The following DYRK1A variants were observed in gnomAD, a reference collection of about 807,000 sequenced individuals.
DYRK1A encodes the protein dual specificity tyrosine-phosphorylation-regulated kinase 1A.
A neutral mutation model predicts 79.7 loss-of-function variants in DYRK1A; 9 were observed. That is an observed-to-expected ratio of 0.11 (90% CI 0.07 to 0.20). The LOEUF is 0.20. DYRK1A is among the 10% of genes least tolerant of loss of function. The probability of loss-of-function intolerance (pLI) is 1.00; values close to 1 mark genes in which losing one functional copy is unlikely to be tolerated. For missense variants in DYRK1A, 622 were observed against 956.0 expected, an observed-to-expected ratio of 0.65 and a Z score of 4.61; for synonymous variants, 349 against 329.7, an observed-to-expected ratio of 1.06 and a Z score of -0.63.
chr21:37,413,860 G>A (rs545286858), intron 1 of DYRK1A, among the ~76,000 whole-genome samples: 14 of 152,216 alleles, frequency 9.2e-5, no homozygotes, highest in Admixed American at 3.9e-4. Flanking sequence ...ATGGCTCTTG[G>A]TGTTTTCTTC....
chr21:37,497,051 C>A (rs770466997), intron 9 of DYRK1A, among the ~76,000 whole-genome samples: 1 of 152,140 alleles, frequency 6.6e-6, no homozygotes, highest in Non-Finnish European at 1.5e-5. Flanking sequence ...CCCCCACACA[C>A]ACATGTACAT....
chr21:37,457,479 C>T (rs1158837623), intron 2 of DYRK1A, among the ~76,000 whole-genome samples: 4 of 152,168 alleles, frequency 2.6e-5, no homozygotes, highest in East Asian at 1.9e-4. Flanking sequence ...TCAAGTGATC[C>T]GCCTGCCTCA....
chr21:37,503,297 C>T (rs956078577), intron 9 of DYRK1A: 3 of 152,132 alleles, frequency 2.0e-5, no homozygotes, highest in Non-Finnish European at 4.4e-5. Context: ...CTGGTTTATT[C>T]ATTCTGTTTT....
Position 37,515,452 on chromosome 21 carries a change from G to C in DYRK1A, c.*2921G>C, listed in dbSNP as rs1346861155. ...TGTGATTCAAAATGCTCATATTTTA[G>C]TTGGTAGCATTTCGACTGGATGTGA... On this transcript the variant is annotated 3_prime_UTR_variant, in exon 12 of 12. Coordinates refer to ENST00000647188, the MANE Select transcript of DYRK1A (RefSeq NM_001347721.2). The C allele has an allele frequency of 6.6e-6, 1 of 152,138 alleles. No individual in the cohort carries two copies. Among genetic ancestry groups the C allele is most frequent in the Non-Finnish European group, 1.5e-5 (1 of 68,016 alleles). The allele number at this position is 152,138 out of a possible 1,614,324, so 9.4% of individuals were successfully genotyped here. A position where few individuals can be genotyped will look rare whatever the true frequency, so the allele number is the denominator to read the frequency against.
intron 1 of DYRK1A, among the ~76,000 whole-genome samples, chr21:37,403,786 T>C (rs1409349624): frequency 1.3e-5 from 2 of 150,898 alleles, no homozygotes; most frequent in Admixed American, 1.3e-4. Context: ...CTTGGAACTT[T>C]TGATGAATAC....
intron 9 of DYRK1A, among the ~76,000 whole-genome samples, chr21:37,499,903 C>T (rs1315678951): frequency 6.6e-6 from 1 of 152,152 alleles, no homozygotes; most frequent in Non-Finnish European, 1.5e-5. Flanking sequence ...GGTTCCACAT[C>T]TGCAGTCAAA....
At chr21:37,439,410 A>G (rs1021267165) in intron 2 of DYRK1A, among the ~76,000 whole-genome samples, 1 of 152,250 alleles carries the variant, frequency 6.6e-6, no homozygotes, top group Non-Finnish European at 1.5e-5. Flanking sequence ...AGAGGATCAA[A>G]CAGTATGTTA....
chr21:37,451,006 C>A (rs1384281179), intron 2 of DYRK1A, among the ~76,000 whole-genome samples: 1 of 152,096 alleles, frequency 6.6e-6, no homozygotes, highest in East Asian at 1.9e-4. Flanking sequence ...GCGATCCTTA[C>A]CCAAGGAGGT....
chr21:37,439,808 T>G (rs1249482314), intron 2 of DYRK1A, among the ~76,000 whole-genome samples: 1 of 152,200 alleles, frequency 6.6e-6, no homozygotes, highest in Non-Finnish European at 1.5e-5. Context: ...AGGTCAAGTA[T>G]GGATGTTGGA....
intron 1 of DYRK1A, among the ~76,000 whole-genome samples, chr21:37,391,016 A>G (rs1463508705): frequency 6.6e-6 from 1 of 152,216 alleles, no homozygotes; most frequent in Non-Finnish European, 1.5e-5. Context: ...TTAGATACAG[A>G]TTAGATGTCT....
intron 2 of DYRK1A, among the ~76,000 whole-genome samples, chr21:37,449,393 A>G (rs2051373232): frequency 6.6e-6 from 1 of 152,154 alleles, no homozygotes; most frequent in Non-Finnish European, 1.5e-5. Flanking sequence ...AACTATGGGC[A>G]TTTTTCCTAT....
At chr21:37,404,736 C>T (rs1352844685) in intron 1 of DYRK1A, among the ~76,000 whole-genome samples, 2 of 152,136 alleles carry the variant, frequency 1.3e-5, no homozygotes, top group East Asian at 3.8e-4. Context: ...CAAATATTTT[C>T]TTCAGTTTTG....
In DYRK1A at chr21:37,482,809, C is replaced by G. The variant is rs192951474; in HGVS notation, c.489+1983C>G. ...AGAGACCTACCCTCAGGGGCTCATT[C>G]TCTTTCTCAGGGATGTTCCTTGCTG... is the stretch of plus-strand genomic sequence containing the variant. On this transcript the variant is annotated intron_variant, in intron 5 of 11. Coordinates refer to ENST00000647188, the MANE Select transcript of DYRK1A (RefSeq NM_001347721.2). 7.7e-4 allele frequency among the ~76,000 whole-genome samples: 117 copies of G among 152,292 alleles called. 1 individual carries two copies. Among genetic ancestry groups the G allele is most frequent in the Non-Finnish European group, 1.5e-3 (99 of 68,024 alleles).
chr21:37,389,407 C>A (rs1427827912), intron 1 of DYRK1A, among the ~76,000 whole-genome samples: 1 of 152,180 alleles, frequency 6.6e-6, no homozygotes, highest in African/African-American at 2.4e-5. Flanking sequence ...CTCAAGCAGT[C>A]TGCCCGCCTT....
At chr21:37,432,793 T>G (rs531920706) in intron 2 of DYRK1A, among the ~76,000 whole-genome samples, 1 of 151,856 alleles carries the variant, frequency 6.6e-6, no homozygotes, top group South Asian at 2.1e-4. Flanking sequence ...ATATTTCTTA[T>G]AGGGGAGAAA....
chr21:37,369,521 C>T (rs555823909), intron 1 of DYRK1A, among the ~76,000 whole-genome samples: 1 of 152,350 alleles, frequency 6.6e-6, no homozygotes, highest in Non-Finnish European at 1.5e-5. Context: ...TACTTCAAAC[C>T]ATGCCAGAAA....
chr21:37,478,741 AT>A (rs980148363), intron 4 of DYRK1A, among the ~76,000 whole-genome samples: 2 of 152,120 alleles, frequency 1.3e-5, no homozygotes, highest in Non-Finnish European at 2.9e-5. Context: ...AGTTACAGGC[AT>A]TTGGCCTAGT....
intron 1 of DYRK1A, among the ~76,000 whole-genome samples, chr21:37,387,017 G>A (rs949351967): frequency 9.2e-5 from 14 of 152,216 alleles, no homozygotes; most frequent in Admixed American, 7.2e-4. Flanking sequence ...CTCTCCTTGA[G>A]CACATGTCTA....
chr21:37,484,661 C>A (rs2052788785), intron 5 of DYRK1A, among the ~76,000 whole-genome samples: 1 of 152,134 alleles, frequency 6.6e-6, no homozygotes, highest in Non-Finnish European at 1.5e-5. Flanking sequence ...TTCCTGACAT[C>A]TACCATGCAA....
Sources: allele counts gnomAD v4.1 joint callset (sites outside exome capture counted in the v4.1 genomes callset), GRCh38; gene constraint gnomAD v4.1.1; transcripts MANE v1.5; gene names NCBI Gene and HGNC (gene_info 2026-07-23, HGNC 2026-07-21).